CELF4: variants seen among roughly 807,000 people sequenced by gnomAD.
CELF4 encodes CUGBP Elav-like family member 4.
In CELF4, 18 loss-of-function variants were observed where a neutral mutation model predicts 59.9. The ratio of observed to expected loss-of-function variants is 0.30; its 90% CI spans 0.21 to 0.45. The LOEUF (loss-of-function observed/expected upper bound fraction) is 0.45, where lower values mean the gene tolerates loss of function less well. Among genes scored for constraint, CELF4 ranks in the 20% least tolerant of loss-of-function variants. The pLI is 1.00. For synonymous variants in CELF4, 261 were observed against 267.1 expected, an observed-to-expected ratio of 0.98 and a Z score of 0.22; for missense variants, 456 against 689.0, an observed-to-expected ratio of 0.66 and a Z score of 3.79.
At chr18:37,493,393 C>T (rs968957614) in intron 1 of CELF4, among the ~76,000 whole-genome samples, 2 of 152,216 alleles carry the variant, frequency 1.3e-5, no homozygotes, top group Non-Finnish European at 2.9e-5. Context: ...TGTGTGTTCA[C>T]CCAGAATGTA....
chr18:37,505,497 G>A (rs1423597040), intron 1 of CELF4, among the ~76,000 whole-genome samples: 1 of 152,146 alleles, frequency 6.6e-6, no homozygotes, highest in Non-Finnish European at 1.5e-5. Flanking sequence ...GGGCTTTTGG[G>A]AGCCGAAACG....
intron 8 of CELF4, 49 bp from the exon 9 acceptor site, chr18:37,266,647 C>T: frequency 2.8e-6 from 4 of 1,446,156 alleles, no homozygotes; most frequent in Non-Finnish European, 3.8e-6. Context: ...CCACACTGGC[C>T]CTTCCCCTCA....
chr18:37,270,940 G>A (rs1393481417), intron 7 of CELF4, 23 bp from the exon 8 acceptor site: 2 of 1,578,668 alleles, frequency 1.3e-6, no homozygotes, highest in Middle Eastern at 1.9e-4. Flanking sequence ...ATACAGAAGG[G>A]TGGAGGAGGA....
At chr18:37,368,391 T>A (rs2076065510) in intron 2 of CELF4, among the ~76,000 whole-genome samples, 1 of 151,882 alleles carries the variant, frequency 6.6e-6, no homozygotes, top group African/African-American at 2.4e-5. Context: ...TCCGCCTTGA[T>A]CCTCCCCACA....
rs1435154800 is a variant in CELF4 at position 37,448,161 on chromosome 18, C to T, written c.369+37364G>A. ...ACTTTTGGATGCTCAGTGGTGCTGA[C>T]ATCAGCAGGAATTTGCTTCCCGGTT... On this transcript the variant is annotated intron_variant, in intron 2 of 12. Coordinates refer to ENST00000420428, the MANE Select transcript of CELF4 (RefSeq NM_020180.4). Among the ~76,000 whole-genome samples, 4 of 152,344 alleles carry T rather than the reference C, an allele frequency of 2.6e-5. No homozygotes were observed. The East Asian group carries it at 7.7e-4, about 29-fold the overall frequency.
intron 2 of CELF4, among the ~76,000 whole-genome samples, chr18:37,468,862 G>A (rs1361312028): frequency 6.6e-6 from 1 of 152,062 alleles, no homozygotes; most frequent in Non-Finnish European, 1.5e-5. Flanking sequence ...CAGCATGGGG[G>A]AAACCACATC....
At chr18:37,357,199 G>A (rs1013514423) in intron 2 of CELF4, among the ~76,000 whole-genome samples, 15 of 152,356 alleles carry the variant, frequency 9.8e-5, no homozygotes, top group Admixed American at 3.3e-4. Context: ...GGCCTGTGAA[G>A]GTCTGAGAAC....
chr18:37,518,667 GCCCTA>G (rs2099953699), intron 1 of CELF4, among the ~76,000 whole-genome samples: 2 of 152,114 alleles, frequency 1.3e-5, no homozygotes, highest in Non-Finnish European at 2.9e-5. Flanking sequence ...CCATCCCCAA[GCCCTA>G]CCTCAGGCAA....
At chr18:37,273,911 G>A in intron 6 of CELF4, 1 of 1,042,894 alleles carries the variant, frequency 9.6e-7, no homozygotes, top group Non-Finnish European at 1.2e-6. Flanking sequence ...TGCCAGGAGA[G>A]ACCAGAAGGC....
At chr18:37,344,241 A>G (rs2098165962) in intron 2 of CELF4, among the ~76,000 whole-genome samples, 2 of 152,110 alleles carry the variant, frequency 1.3e-5, no homozygotes, top group Admixed American at 1.3e-4. Flanking sequence ...ACATTTCCCC[A>G]CTGACCTGCC....
At position 37,243,186 on chromosome 18, in the gene CELF4, C is replaced by CTTTTTTTTTTTTTTTTTTTTTTTATT. The variant is rs561464294; in HGVS notation, c.*2055_*2056insAATAAAAAAAAAAAAAAAAAAAAAAA. 9.9e-6 allele frequency: 1 copy of CTTTTTTTTTTTTTTTTTTTTTTTATT among 100,554 alleles called. No homozygotes were observed. The highest frequency in any genetic ancestry group is 4.1e-5 in the African/African-American group (1 of 24,126). The allele number at this position is 100,554 out of a possible 1,614,324, so 6.2% of individuals were successfully genotyped here. On this transcript the variant is annotated 3_prime_UTR_variant, in exon 13 of 13. Coordinates refer to ENST00000420428, the MANE Select transcript of CELF4 (RefSeq NM_020180.4). ...TGTTTTCTTTTTTTTTTCTTTTTTT[C>CTTTTTTTTTTTTTTTTTTTTTTTATT]TTTTTTTTTTTTTTTTTTTTACATC...
At chr18:37,346,218 C>A (rs2098253257) in intron 2 of CELF4, among the ~76,000 whole-genome samples, 1 of 152,214 alleles carries the variant, frequency 6.6e-6, no homozygotes, top group Non-Finnish European at 1.5e-5. Flanking sequence ...ATGTCTAGTG[C>A]AGCTGCATTC....
intron 3 of CELF4, among the ~76,000 whole-genome samples, chr18:37,312,110 C>CAAAAAAAAAAAAAA (rs59872500): frequency 7.4e-4 from 37 of 50,188 alleles, no homozygotes; most frequent in African/African-American, 1.2e-3. Flanking sequence ...GATTCCGTCT[C>CAAAAAAAAAAAAAA]AAAAAAAAAA....
intron 2 of CELF4, among the ~76,000 whole-genome samples, chr18:37,469,291 C>T (rs957043391): frequency 6.6e-6 from 1 of 152,164 alleles, no homozygotes; most frequent in African/African-American, 2.4e-5. Flanking sequence ...TCATTCTCTG[C>T]TCCTCCTGTA....
chr18:37,314,719 C>T (rs1214783098), intron 3 of CELF4, among the ~76,000 whole-genome samples: 3 of 152,180 alleles, frequency 2.0e-5, no homozygotes, highest in Non-Finnish European at 4.4e-5. Flanking sequence ...CCAGCCTCCC[C>T]TGCAGCTTGT....
At chr18:37,317,342 G>A (rs571486430) in intron 3 of CELF4, among the ~76,000 whole-genome samples, 26 of 152,326 alleles carry the variant, frequency 1.7e-4, no homozygotes, top group African/African-American at 4.3e-4. Context: ...AGCCAAGATC[G>A]TGCTATCGCA....
At chr18:37,383,102 T>C (rs889695800) in intron 2 of CELF4, among the ~76,000 whole-genome samples, 5 of 152,226 alleles carry the variant, frequency 3.3e-5, no homozygotes, top group African/African-American at 1.2e-4. Context: ...TTGTCCAGGC[T>C]AGTCTTCAAC....
At chr18:37,378,702 C>A (rs566053734) in intron 2 of CELF4, among the ~76,000 whole-genome samples, 5 of 152,180 alleles carry the variant, frequency 3.3e-5, no homozygotes, top group African/African-American at 9.6e-5. Context: ...TTATTAAAAC[C>A]CACAAATGCT....
chr18:37,361,516 T>C (rs1050716009), intron 2 of CELF4, among the ~76,000 whole-genome samples: 12 of 152,126 alleles, frequency 7.9e-5, no homozygotes, highest in Admixed American at 6.5e-4. Flanking sequence ...AAGGCAGCAC[T>C]CCTCCTGAAT....
Sources: allele counts gnomAD v4.1 joint callset (sites outside exome capture counted in the v4.1 genomes callset), GRCh38; gene constraint gnomAD v4.1.1; transcripts MANE v1.5; gene names NCBI Gene and HGNC (gene_info 2026-07-23, HGNC 2026-07-21).